NTM: variants seen among roughly 807,000 people sequenced by gnomAD.
NTM encodes neurotrimin, also known as IgLON family member 2.
Under a neutral mutation model 42.1 loss-of-function variants are expected in NTM, and 13 were observed. The ratio of observed to expected loss-of-function variants is 0.31; its 90% CI spans 0.20 to 0.49. NTM has a LOEUF of 0.49. Among genes scored for constraint, NTM ranks in the 20% least tolerant of loss-of-function variants. The pLI, the probability that NTM is intolerant of heterozygous loss-of-function variation, is 0.99. For missense variants in NTM, 373 were observed against 452.8 expected, an observed-to-expected ratio of 0.82 and a Z score of 1.60; for synonymous variants, 187 against 179.2, an observed-to-expected ratio of 1.04 and a Z score of -0.35.
intron 2 of NTM, among the ~76,000 whole-genome samples, chr11:131,988,408 G>T (rs1281689773): frequency 6.6e-6 from 1 of 152,264 alleles, no homozygotes; most frequent in East Asian, 1.9e-4. Flanking sequence ...AGGAATTGGT[G>T]GTCTGATCTG....
rs540639801 is a variant in NTM, at chr11:131,755,502, C to A, written c.83-156062C>A. Among the ~76,000 whole-genome samples, 179 of 152,246 alleles carry A rather than the reference C, an allele frequency of 1.2e-3. 1 individual carries two copies. Among genetic ancestry groups the A allele is most frequent in the African/African-American group, 3.5e-3 (146 of 41,544 alleles). On this transcript the variant is annotated intron_variant, in intron 1 of 8. Coordinates refer to ENST00000683400, the MANE Select transcript of NTM (RefSeq NM_001352005.2). ...AGCTAAATTCTAATTTCTGAATAAA[C>A]AATAAGTAGTTTTAGTATAAGTATG...
At chr11:131,818,827 T>G (rs1011262479) in intron 1 of NTM, among the ~76,000 whole-genome samples, 2 of 152,180 alleles carry the variant, frequency 1.3e-5, no homozygotes, top group African/African-American at 4.8e-5. Context: ...AGGTCTTCTC[T>G]CTGCCTTTTA....
intron 1 of NTM, among the ~76,000 whole-genome samples, chr11:131,870,164 G>T (rs1369031384): frequency 6.6e-6 from 1 of 152,158 alleles, no homozygotes; most frequent in Non-Finnish European, 1.5e-5. Context: ...CTTAGGGGAA[G>T]GAAAAATAGT....
intron 1 of NTM, among the ~76,000 whole-genome samples, chr11:131,627,569 T>G (rs946061037): frequency 6.6e-6 from 1 of 152,210 alleles, no homozygotes; most frequent in East Asian, 1.9e-4. Flanking sequence ...AGGTGGCTCA[T>G]GCCTATAATC....
At chr11:131,708,762 A>C (rs906347177) in intron 1 of NTM, among the ~76,000 whole-genome samples, 1 of 152,224 alleles carries the variant, frequency 6.6e-6, no homozygotes, top group African/African-American at 2.4e-5. Context: ...AATACCAATG[A>C]ACCAAACAAC....
intron 3 of NTM, among the ~76,000 whole-genome samples, chr11:132,205,701 C>T (rs976320755): frequency 2.0e-5 from 3 of 152,162 alleles, no homozygotes; most frequent in African/African-American, 7.2e-5. Flanking sequence ...TTTCAAAGGA[C>T]TCTTCCACTC....
intron 1 of NTM, among the ~76,000 whole-genome samples, chr11:131,430,393 G>A (rs1948556249): frequency 6.6e-6 from 1 of 152,184 alleles, no homozygotes; most frequent in African/African-American, 2.4e-5. Context: ...AATCTAGGAT[G>A]GGAAGGTATA....
chr11:132,086,047 G>T, intron 2 of NTM, among the ~76,000 whole-genome samples: 1 of 152,106 alleles, frequency 6.6e-6, no homozygotes. Flanking sequence ...AGACAAGGCA[G>T]GGCACGGTGG....
intron 1 of NTM, among the ~76,000 whole-genome samples, chr11:131,485,121 T>A (rs1424483178): frequency 6.6e-6 from 1 of 152,222 alleles, no homozygotes; most frequent in Non-Finnish European, 1.5e-5. Context: ...TTATTTGAAA[T>A]TCTCAGTTGG....
At chr11:131,774,142 A>G (rs960569522) in intron 1 of NTM, 78 of 984,082 alleles carry the variant, frequency 7.9e-5, no homozygotes, top group Non-Finnish European at 9.2e-5. Context: ...TTCTTCATAA[A>G]TGTCAGTGGG....
At chr11:131,889,376 G>T (rs2137455337) in intron 1 of NTM, among the ~76,000 whole-genome samples, 2 of 152,266 alleles carry the variant, frequency 1.3e-5, no homozygotes, top group Admixed American at 1.3e-4. Context: ...CCACACCCCA[G>T]CCCATACCCC....
chr11:131,428,909 G>T (rs1398678061), intron 1 of NTM, among the ~76,000 whole-genome samples: 2 of 141,900 alleles, frequency 1.4e-5, no homozygotes, highest in Admixed American at 7.0e-5. Flanking sequence ...AAAAAAATTA[G>T]CCAGGCCTGG....
chr11:131,976,151 CCTTCCTTTCTTCCTTCCTTCCTTT>C (rs1287937682), intron 2 of NTM, among the ~76,000 whole-genome samples: 11 of 141,172 alleles, frequency 7.8e-5, no homozygotes, highest in African/African-American at 2.3e-4. Flanking sequence ...TTCCTTCCTT[CCTTCCTTTCTTCCTTCCTTCCTTT>C]CTTCCTTTCT....
intron 1 of NTM, among the ~76,000 whole-genome samples, chr11:131,814,717 G>C (rs577208084): frequency 1.3e-5 from 2 of 152,252 alleles, no homozygotes; most frequent in Middle Eastern, 3.4e-3. Flanking sequence ...CGCGTCTTGC[G>C]TTTTGCCTCC....
chr11:131,544,390 T>C (rs921783930), intron 1 of NTM, among the ~76,000 whole-genome samples: 4 of 152,218 alleles, frequency 2.6e-5, no homozygotes, highest in Admixed American at 6.5e-5. Context: ...CTACCTCCTC[T>C]TCTTTCTCCA....
chr11:131,668,387 T>TA (rs35012038), intron 1 of NTM, among the ~76,000 whole-genome samples: 32 of 148,502 alleles, frequency 2.2e-4, no homozygotes, highest in East Asian at 5.9e-4. Context: ...GTGGAGATTT[T>TA]AAAAAAAAAA....
chr11:132,123,134 A>G (rs1401224125), intron 2 of NTM, among the ~76,000 whole-genome samples: 1 of 152,020 alleles, frequency 6.6e-6, no homozygotes, highest in Non-Finnish European at 1.5e-5. Context: ...CTCATCTGCA[A>G]TGAGGCTGCT....
At chr11:131,960,095 AAT>A (rs1438683467) in intron 2 of NTM, among the ~76,000 whole-genome samples, 1 of 152,126 alleles carries the variant, frequency 6.6e-6, no homozygotes, top group Admixed American at 6.5e-5. Context: ...TATCTCCTTA[AAT>A]ACTTGAGGTT....
At chr11:131,930,045 G>A (rs532530537) in intron 2 of NTM, among the ~76,000 whole-genome samples, 22 of 152,288 alleles carry the variant, frequency 1.4e-4, no homozygotes, top group African/African-American at 4.1e-4. Context: ...CTTGCTCGGT[G>A]TTGGGGGTTG....
Sources: gnomAD v4.1 joint callset for allele counts (sites outside exome capture counted in the v4.1 genomes callset) on GRCh38, gnomAD v4.1.1 for gene constraint, MANE v1.5 for transcripts, NCBI Gene and HGNC (gene_info 2026-07-23, HGNC 2026-07-21) for gene names.